Variants in ATP8B2 observed in about 807,000 individuals in gnomAD.
ATP8B2 encodes the protein phospholipid-transporting ATPase ID.
In ATP8B2, 70 loss-of-function variants were observed where a neutral mutation model predicts 133.4. The ratio of observed to expected loss-of-function variants is 0.52; its 90% CI spans 0.43 to 0.64. The LOEUF (loss-of-function observed/expected upper bound fraction) is 0.64, where lower values mean the gene tolerates loss of function less well. Ranked by LOEUF, ATP8B2 falls within the 30% of genes least tolerant of loss-of-function variation. The pLI, the probability that ATP8B2 is intolerant of heterozygous loss-of-function variation, is 0.00. For synonymous variants in ATP8B2, 517 were observed against 589.5 expected, an observed-to-expected ratio of 0.88 and a Z score of 1.78; for missense variants, 1,101 against 1,535.7, an observed-to-expected ratio of 0.72 and a Z score of 4.73.
chr1:154,326,080 C>T (rs1685780458), intron 1 of ATP8B2, among the ~76,000 whole-genome samples: 1 of 151,962 alleles, frequency 6.6e-6, no homozygotes, highest in Non-Finnish European at 1.5e-5. Context: ...GGGTTTGGTG[C>T]CTGGAGAAGG....
intron 8 of ATP8B2, 36 bp from the exon 9 acceptor site, chr1:154,332,581 AG>A (rs1686031192): frequency 6.7e-7 from 1 of 1,496,460 alleles, no homozygotes; most frequent in Admixed American, 1.9e-5. Context: ...TTAGAGGATG[AG>A]GAGGGAGCGG....
rs557337837 is a variant in ATP8B2 at position 154,344,244 on chromosome 1, A to G, written c.2025A>G (p.Gly675=). The stretch of plus-strand genomic sequence containing the variant: ...ACATCAAGATTTGGGTGCTAACCGG[A>G]GACAAGCAAGGTGAGAGCCCAGCAG... ...LANIKIWVLT[G]DKQETAVNIG... is the part of the protein sequence containing the mutation. Residue 675 remains glycine, a synonymous_variant, in exon 19 of 28, where the codon GGA becomes GGG. Coordinates refer to ENST00000368489, the MANE Select transcript of ATP8B2 (RefSeq NM_001370597.1). The surrounding 1 kb of genome is among the most constrained non-coding windows in gnomAD (Gnocchi z 4.1). 3 of 1,614,212 alleles carry G rather than the reference A, an allele frequency of 1.9e-6. No individual in the cohort carries two copies. In the African/African-American group the frequency reaches 4.0e-5, roughly 22 times the overall value.
rs1039927806 is a variant in ATP8B2, at chr1:154,334,791, A to G, written c.837+200A>G. 5.9e-5 allele frequency among the ~76,000 whole-genome samples: 9 copies of G among 152,172 alleles called. No homozygotes were observed. The highest frequency in any genetic ancestry group is 2.2e-4 in the African/African-American group (9 of 41,446). ...ATTTAAAAAAACTTCAGGAACGTGCATGAATCAACAACTTAAAGCTAAAAC... is the reference window on the plus strand; with the variant it reads ...ATTTAAAAAAACTTCAGGAACGTGCGTGAATCAACAACTTAAAGCTAAAAC... On this transcript the variant is annotated intron_variant, in intron 11 of 27. Coordinates refer to ENST00000368489, the MANE Select transcript of ATP8B2 (RefSeq NM_001370597.1). The surrounding 1 kb of genome is among the most constrained non-coding windows in gnomAD (Gnocchi z 4.6).
chr1:154,343,117 G>A lies in ATP8B2; in HGVS notation c.1458G>A (p.Glu486=). The stretch of plus-strand genomic sequence containing the variant: ...GTATTCTTCCTCCCCACCCAGGAGA[G>A]CTGTACTACAAAGCTCAGTCCCCAG... ...TVMSEEKNEG[E]LYYKAQSPDE... The change falls in exon 16 of 28, where the codon GAG becomes GAA. Residue 486 remains glutamate (E), a synonymous_variant. Transcript: ENST00000368489. The surrounding 1 kb of genome is among the most constrained non-coding windows in gnomAD (Gnocchi z 5.8). 1 of 1,613,538 alleles carries A rather than the reference G, an allele frequency of 6.2e-7. No homozygotes were observed. Among genetic ancestry groups the A allele is most frequent in the Non-Finnish European group, 8.5e-7 (1 of 1,179,750 alleles).
In ATP8B2 at chr1:154,332,266, C is replaced by T. The variant is rs1385058971; in HGVS notation, c.509+242C>T. 2.0e-5 allele frequency among the ~76,000 whole-genome samples: 3 copies of T among 152,166 alleles called. No individual in the cohort carries two copies. In the East Asian group the frequency reaches 5.8e-4, roughly 29 times the overall value. ...GGATGGGGAGAGGTGGGCATGGTGA[C>T]TCACTCCTGTAAATCCCAGCACTTT... On this transcript the variant is annotated intron_variant, in intron 8 of 27. Transcript: ENST00000368489.
In ATP8B2 at chr1:154,331,579, C is replaced by T. The variant is rs1275558189; in HGVS notation, c.366-27C>T. ...AGGAACCTCTTTAGCTCCTGACAGCCTCTTCACTGTCTTCTCGTTGCCTCA... is the reference window on the plus strand; with the variant it reads ...AGGAACCTCTTTAGCTCCTGACAGCTTCTTCACTGTCTTCTCGTTGCCTCA... On this transcript the variant is annotated intron_variant, in intron 6 of 27. Coordinates refer to ENST00000368489, the MANE Select transcript of ATP8B2 (RefSeq NM_001370597.1). The surrounding 1 kb of genome is among the most constrained non-coding windows in gnomAD (Gnocchi z 4.8). The T allele has an allele frequency of 3.1e-6, 5 of 1,613,774 alleles. No individual in the cohort carries two copies. Among genetic ancestry groups the T allele is most frequent in the Non-Finnish European group, 4.2e-6 (5 of 1,179,770 alleles).
intron 1 of ATP8B2, among the ~76,000 whole-genome samples, chr1:154,327,419 AGGCTTGGGGT>A (rs1685824552): frequency 1.0e-5 from 1 of 96,066 alleles, no homozygotes; most frequent in Non-Finnish European, 1.9e-5. Flanking sequence ...TGACTGGACT[AGGCTTGGGGT>A]GGGAGGGAGG....
chr1:154,327,981 G>T (rs1174665129), intron 1 of ATP8B2, 124 bp from the exon 2 acceptor site: 1 of 1,511,724 alleles, frequency 6.6e-7, no homozygotes. Flanking sequence ...GAGAGACTGG[G>T]AGAAGGAGGC....
Position 154,349,228 on chromosome 1 carries a change from C to T in ATP8B2, c.*110C>T. On this transcript the variant is annotated 3_prime_UTR_variant, in exon 28 of 28. Transcript: ENST00000368489. The stretch of plus-strand genomic sequence containing the variant: ...GTCCTCATTCCTTGCTTCCCGTCCC[C>T]CCGGTAGACTCTGTCCTGCTGGTCC... 1 of 1,368,318 alleles carries T rather than the reference C, an allele frequency of 7.3e-7. No individual in the cohort carries two copies. 84.8% of individuals were successfully genotyped at this position (1,368,318 alleles called of 1,614,324 possible). A position where few individuals can be genotyped will look rare whatever the true frequency, so the allele number is the denominator to read the frequency against.
In ATP8B2 at chr1:154,334,713, T is replaced by C; in HGVS notation, c.837+122T>C. Reference sequence around the variant, plus strand: ...GTTTGGCTTTAAAGCTGCTAGCAGGTCAGCTACACAAAGGCAGTGTTTATT... The same window carrying C: ...GTTTGGCTTTAAAGCTGCTAGCAGGCCAGCTACACAAAGGCAGTGTTTATT... On this transcript the variant is annotated intron_variant, in intron 11 of 27. Coordinates refer to ENST00000368489, the MANE Select transcript of ATP8B2 (RefSeq NM_001370597.1). This position sits in a 1 kb window ranked among gnomAD's most constrained non-coding sequence, Gnocchi z 4.6. The C allele has an allele frequency of 1.4e-6, 1 of 740,120 alleles. No individual in the cohort carries two copies. The highest frequency in any genetic ancestry group is 2.2e-6 in the Non-Finnish European group (1 of 450,230). The allele number at this position is 740,120 out of a possible 1,614,324, so 45.8% of individuals were successfully genotyped here. A position where few individuals can be genotyped will look rare whatever the true frequency, so the allele number is the denominator to read the frequency against.
chr1:154,346,688 C>G lies in ATP8B2; in HGVS notation c.3093C>G (p.Tyr1031Ter). 1 of 1,614,202 alleles carries G rather than the reference C, an allele frequency of 6.2e-7. No individual in the cohort carries two copies. Among genetic ancestry groups the G allele is most frequent in the Non-Finnish European group, 8.5e-7 (1 of 1,180,036 alleles). The change falls in exon 26 of 28, where the codon TAC becomes TAG. Residue 1031 changes from tyrosine to a stop codon, truncating the protein, a stop_gained. Coordinates refer to ENST00000368489, the MANE Select transcript of ATP8B2 (RefSeq NM_001370597.1). LOFTEE classifies it high-confidence loss of function. This position sits in a 1 kb window ranked among gnomAD's most constrained non-coding sequence, Gnocchi z 4.5. ...TCATCTGGGGAAGCCTTGCTGTTTA[C>G]TTTGCCATCCTCTTTGCCATGCACA... ...HFFIWGSLAV[Y>*]FAILFAMHSN...
chr1:154,343,344 T>C lies in ATP8B2; in HGVS notation c.1642+43T>C. The stretch of plus-strand genomic sequence containing the variant: ...GTGCTGGGGCGTTTGGGGACAGCAT[T>C]CAGGCCTGGAATGGGTGAAGTGTGC... On this transcript the variant is annotated intron_variant, in intron 16 of 27. Transcript: ENST00000368489. This position sits in a 1 kb window ranked among gnomAD's most constrained non-coding sequence, Gnocchi z 5.8. 2 of 1,608,642 alleles carry C rather than the reference T, an allele frequency of 1.2e-6. No individual in the cohort carries two copies. Among genetic ancestry groups the C allele is most frequent in the Non-Finnish European group, 1.7e-6 (2 of 1,176,000 alleles).
chr1:154,340,874 G>A lies in ATP8B2; in HGVS notation c.1055G>A (p.Gly352Asp). 1 of 1,614,178 alleles carries A rather than the reference G, an allele frequency of 6.2e-7. No individual in the cohort carries two copies. Among genetic ancestry groups the A allele is most frequent in the Non-Finnish European group, 8.5e-7 (1 of 1,180,040 alleles). ...LYVSVEVIRLGHSYFINWDKK... is the reference protein window; with the variant it reads ...LYVSVEVIRLDHSYFINWDKK... ...TGCAGTGTGGAGGTCATCCGTCTGGGCCACAGCTACTTCATCAACTGGGAT... is the reference window on the plus strand; with the variant it reads ...TGCAGTGTGGAGGTCATCCGTCTGGACCACAGCTACTTCATCAACTGGGAT... The change falls in exon 13 of 28, where the codon GGC becomes GAC. Residue 352 changes from glycine to aspartate, a missense_variant. Coordinates refer to ENST00000368489, the MANE Select transcript of ATP8B2 (RefSeq NM_001370597.1). This position sits in a 1 kb window ranked among gnomAD's most constrained non-coding sequence, Gnocchi z 4.0.
chr1:154,330,619 C>A, intron 3 of ATP8B2, 165 bp downstream of exon 3: 1 of 790,362 alleles, frequency 1.3e-6, no homozygotes, highest in Non-Finnish European at 2.0e-6. Context: ...TTTTTCATGC[C>A]TTCACCTGTC....
chr1:154,334,152 G>GCGGAAC lies in ATP8B2; in HGVS notation c.637_642dup (p.Gly213_Thr214dup). On this transcript the variant is annotated inframe_insertion, in exon 10 of 28. Coordinates refer to ENST00000368489, the MANE Select transcript of ATP8B2 (RefSeq NM_001370597.1). The surrounding 1 kb of genome is among the most constrained non-coding windows in gnomAD (Gnocchi z 4.6). ...CCCAACAACAAACTGGACAAATTCAGCGGAACCCTCTACTGGAAGGAAAAT... is the reference window on the plus strand; with the variant it reads ...CCCAACAACAAACTGGACAAATTCAGCGGAACCGGAACCCTCTACTGGAAGGAAAAT... The GCGGAAC allele has an allele frequency of 6.2e-7, 1 of 1,614,216 alleles. No homozygotes were observed. Among genetic ancestry groups the GCGGAAC allele is most frequent in the Non-Finnish European group, 8.5e-7 (1 of 1,180,046 alleles).
chr1:154,348,541 G>C lies in ATP8B2; in HGVS notation c.3294+3G>C. The C allele has an allele frequency of 6.2e-7, 1 of 1,613,302 alleles. No individual in the cohort carries two copies. The highest frequency in any genetic ancestry group is 8.5e-7 in the Non-Finnish European group (1 of 1,179,578). On this transcript the variant is annotated splice_donor_region_variant and intron_variant, in intron 27 of 27. Coordinates refer to ENST00000368489, the MANE Select transcript of ATP8B2 (RefSeq NM_001370597.1). ...TGAAGCCGGATCTCTCCGACACGGT[G>C]AGAAGCCAGGCTACCTGCTGTGGGA... is the stretch of plus-strand genomic sequence containing the variant.
chr1:154,347,667 G>A (rs1478348535), intron 26 of ATP8B2, among the ~76,000 whole-genome samples: 2 of 152,102 alleles, frequency 1.3e-5, no homozygotes, highest in Non-Finnish European at 2.9e-5. Context: ...CAGGCCGGGC[G>A]CGGTGGCTCA....
Position 154,331,122 on chromosome 1 carries a change from T to C in ATP8B2, c.279T>C (p.Ala93=), listed in dbSNP as rs1347283327. 1 of 1,613,798 alleles carries C rather than the reference T, an allele frequency of 6.2e-7. No individual in the cohort carries two copies. Among genetic ancestry groups the C allele is most frequent in the Non-Finnish European group, 8.5e-7 (1 of 1,179,816 alleles). ...TGGTTCTTGTCCTCACCATCACAGC[T>C]GTTAAAGATGCCACTGATGACTATG... ...VPLVLVLTIT[A]VKDATDDYFR... Residue 93 remains alanine (A), a synonymous_variant, in exon 5 of 28, where the codon GCT becomes GCC. Transcript: ENST00000368489. This position sits in a 1 kb window ranked among gnomAD's most constrained non-coding sequence, Gnocchi z 4.8.
chr1:154,346,820 C>G lies in ATP8B2; in HGVS notation c.3163+62C>G. On this transcript the variant is annotated intron_variant, in intron 26 of 27. Transcript: ENST00000368489. This position sits in a 1 kb window ranked among gnomAD's most constrained non-coding sequence, Gnocchi z 4.5. ...CACAGCTGTTCTGGGACTAACAGGA[C>G]CATCAGCTAATCTGCACATTCAACA... 1 of 1,557,630 alleles carries G rather than the reference C, an allele frequency of 6.4e-7. No homozygotes were observed. The highest frequency in any genetic ancestry group is 1.4e-5 in the African/African-American group (1 of 73,484).
Sources: allele counts gnomAD v4.1 joint callset (sites outside exome capture counted in the v4.1 genomes callset), GRCh38; gene constraint gnomAD v4.1.1; non-coding constraint Gnocchi (gnomAD v3.1); transcripts MANE v1.5; gene names NCBI Gene and HGNC (gene_info 2026-07-23, HGNC 2026-07-21).